KLRG1: variants seen among roughly 807,000 people sequenced by gnomAD.
The protein encoded by KLRG1 is killer cell lectin like receptor G1.
Under a neutral mutation model 21.8 loss-of-function variants are expected in KLRG1, and 16 were observed. That is an observed-to-expected ratio of 0.73 (90% CI 0.50 to 1.11). The LOEUF (loss-of-function observed/expected upper bound fraction) is 1.11, where lower values mean the gene tolerates loss of function less well. Ranked by LOEUF, KLRG1 falls within the 50% of genes most tolerant of loss-of-function variation. KLRG1 has a pLI of 0.00. For synonymous variants in KLRG1, 69 were observed against 75.9 expected (o/e 0.91, Z 0.47); for missense variants, 173 against 218.3 (o/e 0.79, Z 1.31).
chr12:9,207,476 G>A, the KLRG1 span, among the ~76,000 whole-genome samples: 2 of 152,234 alleles, frequency 1.3e-5, no homozygotes, highest in African/African-American at 4.8e-5. Context: ...AATAGCCATA[G>A]TATTTGAGGC....
chr12:9,113,535 A>G, the KLRG1 span: 4 of 1,613,648 alleles, frequency 2.5e-6, no homozygotes, highest in Non-Finnish European at 3.4e-6. Flanking sequence ...GACCAGAACC[A>G]TATACTGCCT....
the KLRG1 span, chr12:9,149,086 A>G: frequency 5.8e-6 from 7 of 1,204,084 alleles, no homozygotes; most frequent in Admixed American, 1.8e-5. Context: ...ATGCAGGGTC[A>G]GGAAACTTTG....
the KLRG1 span, among the ~76,000 whole-genome samples, chr12:9,093,826 C>T: frequency 6.8e-6 from 1 of 146,744 alleles, no homozygotes; most frequent in Non-Finnish European, 1.5e-5. Flanking sequence ...TTTGAGAGGC[C>T]GAGGCCGAGA....
At chr12:9,127,929 A>G in the KLRG1 span, 1 of 343,764 alleles carries the variant, frequency 2.9e-6, no homozygotes, top group Middle Eastern at 1.2e-3. Context: ...TCTTGGTGTC[A>G]CCATTGAGAA....
chr12:9,099,660 C>G, the KLRG1 span: 1 of 1,060,444 alleles, frequency 9.4e-7, no homozygotes, highest in Non-Finnish European at 1.3e-6. Flanking sequence ...GAAAAAAACC[C>G]TATCAAAGCC....
At chr12:9,038,169 G>T in the KLRG1 span, among the ~76,000 whole-genome samples, 1 of 152,202 alleles carries the variant, frequency 6.6e-6, no homozygotes, top group Non-Finnish European at 1.5e-5. Flanking sequence ...GCTGAGGCTG[G>T]AGACTCGCTT....
chr12:8,989,481 C>T (rs892447039), upstream of KLRG1: 2 of 576,452 alleles, frequency 3.5e-6, no homozygotes, highest in African/African-American at 1.9e-5. Flanking sequence ...TATAGGCAGC[C>T]CCCAAATTTG....
intron 2 of KLRG1, among the ~76,000 whole-genome samples, chr12:8,994,141 T>G (rs1431619594): frequency 6.6e-6 from 1 of 152,220 alleles, no homozygotes; most frequent in Non-Finnish European, 1.5e-5. Flanking sequence ...CTTGGCTCAC[T>G]GCAACCTCTG....
chr12:9,181,108 G>A, the KLRG1 span: 1 of 1,614,152 alleles, frequency 6.2e-7, no homozygotes. Context: ...GGGGGACTTT[G>A]TGCTGGGCTG....
At chr12:9,057,231 C>G in the KLRG1 span, among the ~76,000 whole-genome samples, 3 of 152,176 alleles carry the variant, frequency 2.0e-5, no homozygotes, top group Non-Finnish European at 4.4e-5. Context: ...ACCCTTGTTG[C>G]TACTATCTCA....
At chr12:8,971,692 T>C (rs1592245788) in intron 1 of KLRG1, among the ~76,000 whole-genome samples, 1 of 151,932 alleles carries the variant, frequency 6.6e-6, no homozygotes, top group East Asian at 1.9e-4. Flanking sequence ...GGTTTCACCA[T>C]GTTGGCCAGG....
chr12:9,201,060 T>C, the KLRG1 span: 1 of 1,613,836 alleles, frequency 6.2e-7, no homozygotes, highest in South Asian at 1.1e-5. Context: ...CTTCTTGGGT[T>C]CTGAAGGGAA....
the KLRG1 span, chr12:9,201,448 T>C: frequency 3.4e-6 from 3 of 892,082 alleles, no homozygotes; most frequent in Non-Finnish European, 5.3e-6. Context: ...ATATTATCTG[T>C]AGCTAAATTC....
chr12:8,958,327 A>G (rs1946330188), intron 1 of KLRG1, among the ~76,000 whole-genome samples: 1 of 150,994 alleles, frequency 6.6e-6, no homozygotes, highest in African/African-American at 2.4e-5. Context: ...ATTGCGTCAG[A>G]GCTTTGTTGA....
chr12:9,202,665 G>A, the KLRG1 span: 2 of 1,614,134 alleles, frequency 1.2e-6, no homozygotes, highest in South Asian at 2.2e-5. Flanking sequence ...CACCTCTGAA[G>A]AGGCTGAGAT....
At chr12:9,078,950 T>C in the KLRG1 span, among the ~76,000 whole-genome samples, 1 of 152,208 alleles carries the variant, frequency 6.6e-6, no homozygotes, top group Non-Finnish European at 1.5e-5. Flanking sequence ...TCACTGGCAA[T>C]ATCATTTTAA....
At chr12:9,191,052 T>C in the KLRG1 span, among the ~76,000 whole-genome samples, 12 of 152,138 alleles carry the variant, frequency 7.9e-5, no homozygotes, top group African/African-American at 2.9e-4. Context: ...GAGAAATTTT[T>C]TCCAATTGTT....
At chr12:9,202,843 T>C in the KLRG1 span, among the ~76,000 whole-genome samples, 7 of 152,228 alleles carry the variant, frequency 4.6e-5, no homozygotes, top group South Asian at 1.0e-3. Context: ...TAATGTGAGA[T>C]GGAGGAATGG....
the KLRG1 span, among the ~76,000 whole-genome samples, chr12:9,145,272 T>C: frequency 7.9e-5 from 12 of 152,200 alleles, no homozygotes; most frequent in African/African-American, 2.9e-4. Flanking sequence ...CTGTCTTCCT[T>C]GTGTTTTATT....
Sources: gnomAD v4.1 joint callset for allele counts (sites outside exome capture counted in the v4.1 genomes callset) on GRCh38, gnomAD v4.1.1 for gene constraint, MANE v1.5 for transcripts, NCBI Gene and HGNC (gene_info 2026-07-23, HGNC 2026-07-21) for gene names.